The following SH3RF3 variants were observed in gnomAD, a reference collection of about 807,000 sequenced individuals.
SH3RF3 encodes the protein SH3 domain containing ring finger 3.
In SH3RF3, 29 loss-of-function variants were observed where a neutral mutation model predicts 66.3. The observed-to-expected ratio is 0.44, with a 90% CI of 0.33 to 0.60. The LOEUF (loss-of-function observed/expected upper bound fraction) is 0.60. Among genes scored for constraint, SH3RF3 ranks in the 20% least tolerant of loss-of-function variants. The pLI, the probability that SH3RF3 is intolerant of heterozygous loss-of-function variation, is 0.04. For missense variants in SH3RF3, 1,194 were observed against 1,190.9 expected, an observed-to-expected ratio of 1.00 and a Z score of -0.04; for synonymous variants, 583 against 532.0, an observed-to-expected ratio of 1.10 and a Z score of -1.32.
intron 1 of SH3RF3, among the ~76,000 whole-genome samples, chr2:109,243,512 A>C (rs1355492437): frequency 6.6e-6 from 1 of 152,206 alleles, no homozygotes; most frequent in Non-Finnish European, 1.5e-5. Flanking sequence ...TCATGAAAAA[A>C]GTCAGATGGG....
At chr2:109,481,049 G>A (rs1200284767) in intron 8 of SH3RF3, among the ~76,000 whole-genome samples, 1 of 152,226 alleles carries the variant, frequency 6.6e-6, no homozygotes, top group Non-Finnish European at 1.5e-5. Flanking sequence ...GGGAAACAGA[G>A]GGACAGGCAG....
chr2:109,291,626 T>G (rs1382536952), intron 1 of SH3RF3, among the ~76,000 whole-genome samples: 1 of 152,158 alleles, frequency 6.6e-6, no homozygotes, highest in South Asian at 2.1e-4. Context: ...TGGGGAAATG[T>G]GTGGAGGAAT....
At chr2:109,163,588 A>G (rs1358304777) in intron 1 of SH3RF3, among the ~76,000 whole-genome samples, 1 of 150,294 alleles carries the variant, frequency 6.7e-6, no homozygotes, top group East Asian at 2.0e-4. Flanking sequence ...TTTAGTAGAG[A>G]CGGGGTTTCA....
At chr2:109,185,984 G>A (rs537631410) in intron 1 of SH3RF3, among the ~76,000 whole-genome samples, 1 of 152,310 alleles carries the variant, frequency 6.6e-6, no homozygotes, top group Non-Finnish European at 1.5e-5. Context: ...TGGCTGTCAC[G>A]AGCACATTTC....
intron 1 of SH3RF3, among the ~76,000 whole-genome samples, chr2:109,325,772 G>C (rs899261151): frequency 5.3e-5 from 8 of 152,144 alleles, no homozygotes; most frequent in Non-Finnish European, 7.4e-5. Flanking sequence ...TAGTGTGTAG[G>C]GGTTCAGGTG....
At chr2:109,186,067 C>T (rs1678180229) in intron 1 of SH3RF3, among the ~76,000 whole-genome samples, 1 of 152,206 alleles carries the variant, frequency 6.6e-6, no homozygotes, top group Non-Finnish European at 1.5e-5. Flanking sequence ...AGTGTCTTGA[C>T]TTGTGTTGTA....
intron 8 of SH3RF3, among the ~76,000 whole-genome samples, chr2:109,486,115 A>T (rs1407724352): frequency 6.6e-6 from 1 of 151,654 alleles, no homozygotes; most frequent in African/African-American, 2.4e-5. Context: ...ACCTTTCTTC[A>T]CCTTCCCAAG....
intron 1 of SH3RF3, among the ~76,000 whole-genome samples, chr2:109,133,435 A>G (rs562763869): frequency 2.0e-5 from 3 of 152,232 alleles, no homozygotes; most frequent in Non-Finnish European, 2.9e-5. Flanking sequence ...TTTTATAAGC[A>G]TACACGTGTA....
chr2:109,164,642 AG>A lies in SH3RF3; in HGVS notation c.573+34534del, dbSNP rs571265539. Among the ~76,000 whole-genome samples, 15 of 152,218 alleles carry A rather than the reference AG, an allele frequency of 9.9e-5. 1 individual carries two copies. In the South Asian group the frequency reaches 3.1e-3, roughly 32 times the overall value. ...AAGGTGTAAAAATTGGATCTTTGGGAGGGGGAAAAAAGAGCACTTACTTGTA... is the reference window on the plus strand; with the variant it reads ...AAGGTGTAAAAATTGGATCTTTGGGAGGGGAAAAAAGAGCACTTACTTGTA... On this transcript the variant is annotated intron_variant, in intron 1 of 9. Coordinates refer to ENST00000309415, the MANE Select transcript of SH3RF3 (RefSeq NM_001099289.3).
At chr2:109,372,777 G>T (rs1157291988) in intron 3 of SH3RF3, among the ~76,000 whole-genome samples, 1 of 152,152 alleles carries the variant, frequency 6.6e-6, no homozygotes, top group East Asian at 1.9e-4. Flanking sequence ...TCAGTGCTGG[G>T]CTCCATGTGT....
At chr2:109,401,246 G>C (rs371852174) in intron 4 of SH3RF3, among the ~76,000 whole-genome samples, 1 of 152,200 alleles carries the variant, frequency 6.6e-6, no homozygotes, top group East Asian at 1.9e-4. Context: ...AGCAACTGTT[G>C]GCGATGTGAA....
chr2:109,285,536 T>C (rs1248012181), intron 1 of SH3RF3, among the ~76,000 whole-genome samples: 1 of 152,198 alleles, frequency 6.6e-6, no homozygotes, highest in Non-Finnish European at 1.5e-5. Context: ...GGGCAATCGC[T>C]TGCCTGGCGG....
intron 2 of SH3RF3, among the ~76,000 whole-genome samples, chr2:109,354,791 C>T (rs975100425): frequency 5.9e-5 from 9 of 152,236 alleles, no homozygotes; most frequent in Admixed American, 6.5e-5. Context: ...TTCCTTCTCC[C>T]CAGGTGGAAG....
chr2:109,390,405 G>C (rs999260258), intron 3 of SH3RF3, among the ~76,000 whole-genome samples: 2 of 152,126 alleles, frequency 1.3e-5, no homozygotes, highest in African/African-American at 4.8e-5. Flanking sequence ...TTATGGACTT[G>C]GACACATTCC....
chr2:109,345,220 A>G (rs1682657777), intron 1 of SH3RF3, among the ~76,000 whole-genome samples: 2 of 152,074 alleles, frequency 1.3e-5, no homozygotes, highest in Admixed American at 1.3e-4. Flanking sequence ...CCGCAGTTAC[A>G]CAATGTGGGT....
intron 2 of SH3RF3, among the ~76,000 whole-genome samples, chr2:109,362,395 G>C (rs1229879699): frequency 6.6e-6 from 1 of 152,150 alleles, no homozygotes; most frequent in African/African-American, 2.4e-5. Context: ...TATTATGGAT[G>C]TCTAATTTAA....
chr2:109,303,813 A>G (rs1448503174), intron 1 of SH3RF3, among the ~76,000 whole-genome samples: 1 of 152,332 alleles, frequency 6.6e-6, no homozygotes, highest in Non-Finnish European at 1.5e-5. Context: ...AGCCATCACC[A>G]CCATCAAGAC....
chr2:109,503,095 C>G lies in SH3RF3; in HGVS notation c.*1424C>G, dbSNP rs1206291519. On this transcript the variant is annotated 3_prime_UTR_variant, in exon 10 of 10. Coordinates refer to ENST00000309415, the MANE Select transcript of SH3RF3 (RefSeq NM_001099289.3). Reference sequence around the variant, plus strand: ...ATGTATATTCATTAGCACCATGGCTCACTTCCCAGGAAGACTGATCAGGAG... The same window carrying G: ...ATGTATATTCATTAGCACCATGGCTGACTTCCCAGGAAGACTGATCAGGAG... 6.6e-6 allele frequency: 1 copy of G among 152,166 alleles called. No individual in the cohort carries two copies. Among genetic ancestry groups the G allele is most frequent in the South Asian group, 2.1e-4 (1 of 4,834 alleles). The allele number at this position is 152,166 out of a possible 1,614,324, so 9.4% of individuals were successfully genotyped here.
chr2:109,412,934 TG>T (rs1412497533), intron 4 of SH3RF3, among the ~76,000 whole-genome samples: 2 of 152,194 alleles, frequency 1.3e-5, no homozygotes, highest in Admixed American at 6.5e-5. Flanking sequence ...ATACCCTACA[TG>T]GCCCTCCAGG....
Sources: gnomAD v4.1 joint callset for allele counts (sites outside exome capture counted in the v4.1 genomes callset) on GRCh38, gnomAD v4.1.1 for gene constraint, MANE v1.5 for transcripts, NCBI Gene and HGNC (gene_info 2026-07-23, HGNC 2026-07-21) for gene names.